GSE1: variants seen among roughly 807,000 people sequenced by gnomAD.
GSE1 encodes the protein Gse1 coiled-coil protein, also known as genetic suppressor element 1.
Under a neutral mutation model 112.6 loss-of-function variants are expected in GSE1, and 32 were observed. The ratio of observed to expected loss-of-function variants is 0.28; its 90% CI spans 0.21 to 0.38. GSE1 has a LOEUF of 0.38. GSE1 is among the 10% of genes least tolerant of loss of function. The pLI is 1.00. For synonymous variants in GSE1, 1,115 were observed against 735.6 expected (o/e 1.52, Z -8.35); for missense variants, 2,348 against 1,699.2 (o/e 1.38, Z -6.71).
rs751172054 is a variant in GSE1 at position 85,671,065 on chromosome 16, C to T, written c.3486C>T (p.Ser1162=). The change falls in exon 15 of 16, where the codon AGC becomes AGT. Residue 1162 remains serine (S), a synonymous_variant. Transcript: ENST00000253458. ...TGGAGGCCCGGCACTACAGCCTCAG[C>T]CTGACGGCAGAGCAGCTCTCCCACA... ...RRLEARHYSL[S]LTAEQLSHSV... 24 of 1,610,304 alleles carry T rather than the reference C, an allele frequency of 1.5e-5. No individual in the cohort carries two copies. The highest frequency in any genetic ancestry group is 1.6e-5 in the Non-Finnish European group (19 of 1,176,588).
chr16:85,348,881 C>A (rs2046796382), intron 1 of GSE1, among the ~76,000 whole-genome samples: 1 of 152,054 alleles, frequency 6.6e-6, no homozygotes. Flanking sequence ...CTCCCTCCAG[C>A]CCCCGAGAGA....
At chr16:85,345,619 C>G (rs1224718785) in intron 1 of GSE1, among the ~76,000 whole-genome samples, 2 of 152,162 alleles carry the variant, frequency 1.3e-5, no homozygotes, top group African/African-American at 4.8e-5. Flanking sequence ...CCGTTACTTT[C>G]TCCACCCACC....
chr16:85,296,971 C>T (rs1450637278), intron 1 of GSE1, among the ~76,000 whole-genome samples: 1 of 152,232 alleles, frequency 6.6e-6, no homozygotes, highest in Non-Finnish European at 1.5e-5. Flanking sequence ...CCGATCTTTC[C>T]TCCTTTGACC....
chr16:85,479,740 T>C (rs1471336294), intron 2 of GSE1, among the ~76,000 whole-genome samples: 2 of 152,166 alleles, frequency 1.3e-5, no homozygotes, highest in East Asian at 1.9e-4. Flanking sequence ...GCTGGGGACG[T>C]CCCATTGCCG....
chr16:85,562,111 C>T (rs1325806669), intron 1 of GSE1, among the ~76,000 whole-genome samples: 1 of 152,228 alleles, frequency 6.6e-6, no homozygotes, highest in East Asian at 1.9e-4. Context: ...GGATCTGACT[C>T]AGATAAAAGG....
chr16:85,669,665 G>C (rs1333965831), intron 14 of GSE1, among the ~76,000 whole-genome samples: 2 of 152,194 alleles, frequency 1.3e-5, no homozygotes, highest in African/African-American at 4.8e-5. Context: ...GTTTTTTGGT[G>C]TGGTGTTGGG....
intron 2 of GSE1, among the ~76,000 whole-genome samples, chr16:85,407,264 AG>A (rs1285596552): frequency 4.1e-5 from 2 of 48,578 alleles, no homozygotes; most frequent in African/African-American, 3.4e-4. Flanking sequence ...TGTTACTCTC[AG>A]GGCCCCCCTG....
At chr16:85,665,480 C>A (rs1159011765) in intron 12 of GSE1, among the ~76,000 whole-genome samples, 4 of 152,218 alleles carry the variant, frequency 2.6e-5, no homozygotes, top group African/African-American at 9.6e-5. Flanking sequence ...AGCCTTAGTG[C>A]CCGCAGCCTG....
intron 1 of GSE1, among the ~76,000 whole-genome samples, chr16:85,302,959 C>T (rs2045568165): frequency 6.6e-6 from 1 of 152,228 alleles, no homozygotes; most frequent in African/African-American, 2.4e-5. Flanking sequence ...TTCCCGGAGC[C>T]TCGGCCTCCC....
intron 1 of GSE1, among the ~76,000 whole-genome samples, chr16:85,626,293 A>G (rs1450860251): frequency 6.6e-6 from 1 of 152,148 alleles, no homozygotes; most frequent in Non-Finnish European, 1.5e-5. Flanking sequence ...AGATATGATA[A>G]TGAATTTATC....
chr16:85,327,359 T>C (rs1181546231), intron 1 of GSE1, among the ~76,000 whole-genome samples: 1 of 152,142 alleles, frequency 6.6e-6, no homozygotes, highest in Non-Finnish European at 1.5e-5. Flanking sequence ...TCCCAGCACT[T>C]TGGGAGGCTG....
At chr16:85,347,499 G>A (rs2046767055) in intron 1 of GSE1, among the ~76,000 whole-genome samples, 1 of 152,298 alleles carries the variant, frequency 6.6e-6, no homozygotes, top group Admixed American at 6.5e-5. Context: ...CTGCCTCCGA[G>A]CCTGAGTGTG....
chr16:85,630,393 A>G (rs2049442058), intron 1 of GSE1, among the ~76,000 whole-genome samples: 1 of 152,224 alleles, frequency 6.6e-6, no homozygotes. Context: ...TACCCAGGCT[A>G]GAGTATAGCG....
At chr16:85,484,535 C>T (rs867669432) in intron 2 of GSE1, among the ~76,000 whole-genome samples, 5 of 152,218 alleles carry the variant, frequency 3.3e-5, no homozygotes, top group South Asian at 2.1e-4. Flanking sequence ...GCCAGGGAGA[C>T]GCCTCCGCGA....
intron 14 of GSE1, among the ~76,000 whole-genome samples, chr16:85,668,875 T>G (rs1218028239): frequency 6.6e-6 from 1 of 152,176 alleles, no homozygotes; most frequent in Non-Finnish European, 1.5e-5. Context: ...CCAGTCATGT[T>G]TTCAGCTGCC....
intron 3 of GSE1, among the ~76,000 whole-genome samples, chr16:85,650,347 G>A (rs887010794): frequency 1.3e-5 from 2 of 152,116 alleles, no homozygotes; most frequent in East Asian, 1.9e-4. Flanking sequence ...GGCTCCTTGC[G>A]CCCCACTGGT....
intron 2 of GSE1, among the ~76,000 whole-genome samples, chr16:85,531,235 G>A (rs534528773): frequency 2.6e-5 from 4 of 152,322 alleles, no homozygotes; most frequent in South Asian, 2.1e-4. Context: ...GCTCTGAGAC[G>A]GCTGGGGTGT....
At chr16:85,646,390 C>T (rs776146543) in intron 2 of GSE1, among the ~76,000 whole-genome samples, 3 of 152,260 alleles carry the variant, frequency 2.0e-5, no homozygotes, top group Non-Finnish European at 2.9e-5. Context: ...CAAGCTTGCA[C>T]AGCTGCTGTG....
At chr16:85,421,351 A>T (rs975673075) in intron 2 of GSE1, among the ~76,000 whole-genome samples, 11 of 152,036 alleles carry the variant, frequency 7.2e-5, no homozygotes, top group African/African-American at 2.4e-5. Flanking sequence ...GGGTCACCCC[A>T]ATTTCCACAC....
Sources: allele counts gnomAD v4.1 joint callset (sites outside exome capture counted in the v4.1 genomes callset), GRCh38; gene constraint gnomAD v4.1.1; transcripts MANE v1.5; gene names NCBI Gene and HGNC (gene_info 2026-07-23, HGNC 2026-07-21).